LGSN: variants seen among roughly 807,000 people sequenced by gnomAD.
The protein encoded by LGSN is lengsin.
LGSN carries 21 observed loss-of-function variants against 19.5 expected under a neutral mutation model. The observed-to-expected ratio is 1.07, with a 90% confidence interval of 0.76 to 1.55. The LOEUF (loss-of-function observed/expected upper bound fraction) is 1.55, where lower values mean the gene tolerates loss of function less well. LGSN is among the 40% of genes most tolerant of loss of function. LGSN has a pLI of 0.00. For missense variants in LGSN, 673 were observed against 608.5 expected (o/e 1.11, Z -1.12); for synonymous variants, 257 against 215.6 (o/e 1.19, Z -1.68).
the LGSN span, among the ~76,000 whole-genome samples, chr6:63,360,430 C>G: frequency 6.6e-6 from 1 of 152,090 alleles, no homozygotes; most frequent in African/African-American, 2.4e-5. Flanking sequence ...ATCCTGATAC[C>G]CTTTCTTCCA....
At chr6:63,446,716 G>A in the LGSN span, among the ~76,000 whole-genome samples, 10 of 152,176 alleles carry the variant, frequency 6.6e-5, no homozygotes, top group African/African-American at 1.9e-4. Context: ...ATGTGAGTTG[G>A]TGGTCTTACT....
the LGSN span, among the ~76,000 whole-genome samples, chr6:63,362,107 C>T: frequency 1.2e-4 from 19 of 152,318 alleles, no homozygotes; most frequent in African/African-American, 4.3e-4. Flanking sequence ...CTTATGATAA[C>T]AATACCTTCT....
chr6:63,420,074 G>C, the LGSN span, among the ~76,000 whole-genome samples: 1 of 151,262 alleles, frequency 6.6e-6, no homozygotes, highest in Non-Finnish European at 1.5e-5. Flanking sequence ...ATGATGGCAG[G>C]CTCCTGTAGT....
At chr6:63,395,922 G>A in the LGSN span, 1 of 154,494 alleles carries the variant, frequency 6.5e-6, no homozygotes, top group Admixed American at 6.5e-5. Flanking sequence ...GGGACTCTGT[G>A]AGAGGAGAGT....
At chr6:63,490,730 C>T in the LGSN span, among the ~76,000 whole-genome samples, 2 of 152,078 alleles carry the variant, frequency 1.3e-5, no homozygotes, top group Non-Finnish European at 2.9e-5. Context: ...TGTGCCACCA[C>T]GCCCGGCTAC....
At chr6:63,351,419 G>GAGAGAGAGAGAGAGGA in the LGSN span, among the ~76,000 whole-genome samples, 1 of 146,756 alleles carries the variant, frequency 6.8e-6, no homozygotes, top group Non-Finnish European at 1.5e-5. Context: ...GTGTGTGTGA[G>GAGAGAGAGAGAGAGGA]AGAGAGAGAG....
the LGSN span, among the ~76,000 whole-genome samples, chr6:63,492,166 A>G: frequency 6.6e-6 from 1 of 152,200 alleles, no homozygotes; most frequent in Non-Finnish European, 1.5e-5. Flanking sequence ...AATATGTTCA[A>G]ACTTCCTAAA....
chr6:63,281,171 A>G lies in LGSN; in HGVS notation c.380T>C (p.Ile127Thr), dbSNP rs751497109. Residue 127 changes from isoleucine (I) to threonine (T), a missense_variant, in exon 4 of 4, where the codon ATA becomes ACA. By Grantham distance (89) the Ile-to-Thr change is moderately conservative. Transcript: ENST00000370657. ...VCMPRGYLEV[I>T]PNPKDNEMNN... ...CATTTCATTGTCCTTTGGATTTGGTATCACTTCAAGATAACCTCGGGGCAT... is the reference window on the plus strand; with the variant it reads ...CATTTCATTGTCCTTTGGATTTGGTGTCACTTCAAGATAACCTCGGGGCAT... 1 of 1,612,774 alleles carries G rather than the reference A, an allele frequency of 6.2e-7. No homozygotes were observed. The highest frequency in any genetic ancestry group is 8.5e-7 in the Non-Finnish European group (1 of 1,179,092).
At chr6:63,525,502 A>G in the LGSN span, among the ~76,000 whole-genome samples, 2 of 152,116 alleles carry the variant, frequency 1.3e-5, no homozygotes, top group African/African-American at 4.8e-5. Context: ...TCCAGTTTCC[A>G]CTATTTCCCC....
upstream of LGSN, among the ~76,000 whole-genome samples, chr6:63,323,912 C>T (rs1769161350): frequency 6.6e-6 from 1 of 151,710 alleles, no homozygotes; most frequent in Admixed American, 6.6e-5. Context: ...GCTGGGATTA[C>T]AGGCACCCGC....
At chr6:63,401,940 A>G in the LGSN span, among the ~76,000 whole-genome samples, 35 of 152,354 alleles carry the variant, frequency 2.3e-4, no homozygotes, top group African/African-American at 8.4e-4. Context: ...ACAAAGAGTA[A>G]AGCTCCCAGT....
At chr6:63,420,002 G>A in the LGSN span, among the ~76,000 whole-genome samples, 1 of 136,552 alleles carries the variant, frequency 7.3e-6, no homozygotes, top group Non-Finnish European at 1.5e-5. Context: ...TCAGAAGATT[G>A]AGACCATGGC....
chr6:63,540,896 G>C, the LGSN span, among the ~76,000 whole-genome samples: 3 of 150,884 alleles, frequency 2.0e-5, no homozygotes, highest in African/African-American at 7.3e-5. Context: ...CCAACTACTC[G>C]GGAGGCTGAG....
At chr6:63,392,855 C>A in the LGSN span, among the ~76,000 whole-genome samples, 1 of 146,732 alleles carries the variant, frequency 6.8e-6, no homozygotes. Flanking sequence ...CAATCATGTT[C>A]AAGATGGTGG....
intron 3 of LGSN, among the ~76,000 whole-genome samples, chr6:63,282,417 G>A (rs1419640813): frequency 2.0e-5 from 3 of 152,058 alleles, no homozygotes; most frequent in African/African-American, 7.2e-5. Flanking sequence ...TCTGGAGACT[G>A]AGAAGTGCGA....
intron 1 of LGSN, among the ~76,000 whole-genome samples, chr6:63,319,284 A>G (rs369177083): frequency 1.3e-5 from 2 of 152,188 alleles, no homozygotes; most frequent in Non-Finnish European, 2.9e-5. Context: ...TTCTTAACCT[A>G]CTAAAGATAA....
chr6:63,339,659 T>G, the LGSN span, among the ~76,000 whole-genome samples: 1 of 152,164 alleles, frequency 6.6e-6, no homozygotes, highest in Non-Finnish European at 1.5e-5. Flanking sequence ...AATTGGGGAA[T>G]TTAAACCATT....
intron 3 of LGSN, 105 bp from the exon 4 acceptor site, chr6:63,281,325 AT>A: frequency 5.9e-6 from 1 of 169,434 alleles, no homozygotes; most frequent in African/African-American, 2.4e-5. Context: ...ATATATATAT[AT>A]ATATAATAAA....
Position 63,285,664 on chromosome 6 carries a change from G to A in LGSN, c.253C>T (p.Leu85Phe). 6.2e-7 allele frequency: 1 copy of A among 1,613,982 alleles called. No individual in the cohort carries two copies. The highest frequency in any genetic ancestry group is 8.5e-7 in the Non-Finnish European group (1 of 1,179,926). The change falls in exon 3 of 4, where the codon CTC becomes TTC. Residue 85 changes from leucine to phenylalanine, a missense_variant. By Grantham distance (22) the Leu-to-Phe change is conservative. Transcript: ENST00000370657. Reference sequence around the variant, plus strand: ...GTTGCTTCAAATCGTACAAACTGGAGGCGATTTTTGGCCATGGCTTGTCTA... The same window carrying A: ...GTTGCTTCAAATCGTACAAACTGGAAGCGATTTTTGGCCATGGCTTGTCTA... ...HIRQAMAKNR[L>F]QFVRFEATDL...
Sources: gnomAD v4.1 joint callset for allele counts (sites outside exome capture counted in the v4.1 genomes callset) on GRCh38, gnomAD v4.1.1 for gene constraint, MANE v1.5 for transcripts, NCBI Gene and HGNC (gene_info 2026-07-23, HGNC 2026-07-21) for gene names.